Variants in MOG observed in about 807,000 individuals in gnomAD.
The protein encoded by MOG is myelin-oligodendrocyte glycoprotein.
A neutral mutation model predicts 35.9 loss-of-function variants in MOG; 20 were observed. The ratio of observed to expected loss-of-function variants is 0.56; its 90% CI spans 0.39 to 0.81. The LOEUF is 0.81. MOG is among the 30% of genes least tolerant of loss of function. The pLI is 0.00. For synonymous variants in MOG, 92 were observed against 114.3 expected, an observed-to-expected ratio of 0.80 and a Z score of 1.25; for missense variants, 251 against 301.0, an observed-to-expected ratio of 0.83 and a Z score of 1.23.
Position 29,658,804 on chromosome 6 carries a change from C to A in MOG, c.89-515C>A, listed in dbSNP as rs1166614565. 2.0e-5 allele frequency among the ~76,000 whole-genome samples: 3 copies of A among 152,002 alleles called. No homozygotes were observed. The South Asian group carries it at 6.2e-4, about 32-fold the overall frequency. ...TCTCTATAACCAGAGTCTTTTTTGT[C>A]GTTGTTGTTCTCAAGAAGGAAACTT... On this transcript the variant is annotated intron_variant, in intron 1 of 7. Coordinates refer to ENST00000376917, the MANE Select transcript of MOG (RefSeq NM_206809.4).
chr6:29,664,909 C>G, intron 2 of MOG: 1 of 232,748 alleles, frequency 4.3e-6, no homozygotes, highest in Non-Finnish European at 8.7e-6. Context: ...CCACACCTAG[C>G]CAGAAGAATG....
intron 2 of MOG, among the ~76,000 whole-genome samples, chr6:29,663,442 T>C (rs1769389144): frequency 6.6e-6 from 1 of 152,214 alleles, no homozygotes; most frequent in Admixed American, 6.5e-5. Flanking sequence ...ACAGTTGGTT[T>C]CTTTTAGCGA....
intron 1 of MOG, among the ~76,000 whole-genome samples, chr6:29,658,764 A>T (rs1053115868): frequency 6.6e-6 from 1 of 152,206 alleles, no homozygotes; most frequent in African/African-American, 2.4e-5. Context: ...TGTTCTGTCC[A>T]GGACATTCAC....
chr6:29,667,334 G>A lies in MOG; in HGVS notation c.551-309G>A, dbSNP rs1284486318. The stretch of plus-strand genomic sequence containing the variant: ...GGCTTTAGATAAACAAAGTGGCAAC[G>A]CAGTGGGCTGGAGCAGCTCTGTGAA... On this transcript the variant is annotated intron_variant, in intron 3 of 7. Coordinates refer to ENST00000376917, the MANE Select transcript of MOG (RefSeq NM_206809.4). Among the ~76,000 whole-genome samples the A allele has an allele frequency of 3.9e-5, 6 of 152,302 alleles. No homozygotes were observed. In the East Asian group the frequency reaches 9.6e-4, roughly 24 times the overall value.
rs1396346033 is a variant in MOG, at chr6:29,671,684, G to A, written c.*499G>A. ...AAACATTGAAGAGAGAGCTGAGTGA[G>A]CTGAAGAGTGAGGATATGAGTAGCC... On this transcript the variant is annotated 3_prime_UTR_variant, in exon 8 of 8. Transcript: ENST00000376917. The A allele has an allele frequency of 1.7e-6, 1 of 601,042 alleles. No homozygotes were observed. The highest frequency in any genetic ancestry group is 3.0e-6 in the Non-Finnish European group (1 of 338,606). The allele number at this position is 601,042 out of a possible 1,614,324, so 37.2% of individuals were successfully genotyped here.
At chr6:29,663,927 G>A in intron 2 of MOG, 1 of 971,710 alleles carries the variant, frequency 1.0e-6, no homozygotes, top group Non-Finnish European at 1.2e-6. Flanking sequence ...AATGTTATTA[G>A]CTGTGATGTA....
At chr6:29,665,099 T>G (rs1194370141) in intron 2 of MOG, among the ~76,000 whole-genome samples, 1 of 148,550 alleles carries the variant, frequency 6.7e-6, no homozygotes, top group Admixed American at 6.7e-5. Context: ...ATTTTTCTTT[T>G]TCTTTTTTTT....
chr6:29,659,906 A>T, intron 2 of MOG: 1 of 601,972 alleles, frequency 1.7e-6, no homozygotes, highest in Non-Finnish European at 2.9e-6. Flanking sequence ...CAGAATGAAC[A>T]ATGGTAGCCA....
intron 2 of MOG, among the ~76,000 whole-genome samples, chr6:29,665,731 A>AGTGGTAAAGG (rs1474057699): frequency 0.047 from 7,079 of 150,004 alleles, 377 homozygotes; most frequent in African/African-American, 0.12. Context: ...CTTGAACTAC[A>AGTGGTAAAGG]TATTTGAAAT....
chr6:29,659,699 T>C (rs1007080425), intron 2 of MOG, 33 bp downstream of exon 2: 7 of 1,564,144 alleles, frequency 4.5e-6, no homozygotes, highest in Non-Finnish European at 6.1e-6. Context: ...AGGTATTAAC[T>C]GTTGGGTGGC....
intron 1 of MOG, 129 bp from the exon 2 acceptor site, chr6:29,659,190 G>A (rs1767906769): frequency 3.8e-6 from 3 of 787,400 alleles, no homozygotes; most frequent in African/African-American, 1.7e-5. Flanking sequence ...ATCCTCCCTG[G>A]CTCTAGAATG....
At chr6:29,668,642 C>T (rs749374084) in intron 5 of MOG, among the ~76,000 whole-genome samples, 32 of 151,992 alleles carry the variant, frequency 2.1e-4, no homozygotes, top group Non-Finnish European at 3.1e-4. Flanking sequence ...TTCTATCGTA[C>T]GATTTAGGAA....
At chr6:29,664,606 A>AT (rs9278232) in intron 2 of MOG, 26,727 of 407,450 alleles carry the variant, frequency 0.066, 71 homozygotes, top group South Asian at 0.088. Context: ...CCATCTCAGA[A>AT]TTTTTTTTTT....
rs962931149 is a variant in MOG, at chr6:29,659,458, G to T, written c.228G>T (p.Val76=). Residue 76 remains valine, a synonymous_variant, in exon 2 of 8, where the codon GTG becomes GTT. Transcript: ENST00000376917. Reference sequence around the variant, plus strand: ...GGTACCGCCCCCCCTTCTCTAGGGTGGTTCATCTCTACAGAAATGGCAAGG... The same window carrying T: ...GGTACCGCCCCCCCTTCTCTAGGGTTGTTCATCTCTACAGAAATGGCAAGG... ...VGWYRPPFSR[V]VHLYRNGKDQ... 2 of 1,612,926 alleles carry T rather than the reference G, an allele frequency of 1.2e-6. No homozygotes were observed. Among genetic ancestry groups the T allele is most frequent in the African/African-American group, 2.7e-5 (2 of 74,898 alleles).
chr6:29,664,624 A>G (rs1281093372), intron 2 of MOG: 3 of 418,872 alleles, frequency 7.2e-6, no homozygotes, highest in Middle Eastern at 7.6e-4. Context: ...TTTTTTTTTG[A>G]GACAGTGTCT....
At position 29,657,362 on chromosome 6, in the gene MOG, C is replaced by A. The variant is rs2535273; in HGVS notation, c.88+65C>A. 6.6e-6 allele frequency: 8 copies of A among 1,203,390 alleles called. No homozygotes were observed. The East Asian group carries it at 1.5e-4, about 23-fold the overall frequency. The allele number at this position is 1,203,390 out of a possible 1,614,324, so 74.5% of individuals were successfully genotyped here. A position where few individuals can be genotyped will look rare whatever the true frequency, so the allele number is the denominator to read the frequency against. On this transcript the variant is annotated intron_variant, in intron 1 of 7. Coordinates refer to ENST00000376917, the MANE Select transcript of MOG (RefSeq NM_206809.4). The stretch of plus-strand genomic sequence containing the variant: ...AAACAGAAAGGCTAGTTTCCTGGGG[C>A]TTAGCTCCTTCAAACATCCTCAAGT...
chr6:29,669,222 T>C (rs1005245053), intron 5 of MOG, among the ~76,000 whole-genome samples: 1 of 147,228 alleles, frequency 6.8e-6, no homozygotes, highest in African/African-American at 2.5e-5. Context: ...TGCCCGGCCA[T>C]AAATATTTCT....
chr6:29,666,010 C>G, intron 2 of MOG, 142 bp from the exon 3 acceptor site: 1 of 751,544 alleles, frequency 1.3e-6, no homozygotes, highest in Non-Finnish European at 2.4e-6. Context: ...GGGCTAAGCT[C>G]AGGGACCAAT....
At chr6:29,661,610 CGGGAGTTCGAGACTA>C in intron 2 of MOG, 1 of 927,668 alleles carries the variant, frequency 1.1e-6, no homozygotes, top group Non-Finnish European at 1.3e-6. Context: ...CACCTGAGGT[CGGGAGTTCGAGACTA>C]GCCTGACCAA....
Sources: allele counts gnomAD v4.1 joint callset (sites outside exome capture counted in the v4.1 genomes callset), GRCh38; gene constraint gnomAD v4.1.1; transcripts MANE v1.5; gene names NCBI Gene and HGNC (gene_info 2026-07-23, HGNC 2026-07-21).